Variants in ZFHX3 observed in about 807,000 individuals in gnomAD.
ZFHX3 encodes zinc finger homeobox protein 3.
A neutral mutation model predicts 279.1 loss-of-function variants in ZFHX3; 42 were observed. The observed-to-expected ratio is 0.15, with a 90% confidence interval of 0.12 to 0.19. The LOEUF (loss-of-function observed/expected upper bound fraction) is 0.19. Ranked by LOEUF, ZFHX3 falls within the 10% of genes least tolerant of loss-of-function variation. The pLI, the probability that ZFHX3 is intolerant of heterozygous loss-of-function variation, is 1.00. For missense variants in ZFHX3, 4,981 were observed against 4,754.0 expected (o/e 1.05, Z -1.40); for synonymous variants, 2,293 against 1,957.8 (o/e 1.17, Z -4.52).
At chr16:72,832,920 G>A (rs2037099713) in intron 4 of ZFHX3, among the ~76,000 whole-genome samples, 1 of 152,222 alleles carries the variant, frequency 6.6e-6, no homozygotes, top group African/African-American at 2.4e-5. Context: ...ATCATCAACA[G>A]CAAGAGGAAA....
intron 1 of ZFHX3, among the ~76,000 whole-genome samples, chr16:73,055,488 G>A (rs902312713): frequency 8.6e-5 from 13 of 152,044 alleles, no homozygotes; most frequent in African/African-American, 2.9e-4. Flanking sequence ...ACCTGACCCC[G>A]TTCTGTATAT....
rs143511818 is a variant in ZFHX3, at chr16:73,626,335, G to A, written c.-1547+53845C>T. Reference sequence around the variant, plus strand: ...GCAAAGCCACAAAGGAAAATGCCACGCCTTTGGTTTCCTTGAATCCATGTG... The same window carrying A: ...GCAAAGCCACAAAGGAAAATGCCACACCTTTGGTTTCCTTGAATCCATGTG... On this transcript the variant is annotated intron_variant, in intron 2 of 17. Transcript: ENST00000641206. Among the ~76,000 whole-genome samples, 80 of 152,146 alleles carry A rather than the reference G, an allele frequency of 5.3e-4. 1 individual carries two copies. In the East Asian group the frequency reaches 0.013, roughly 25 times the overall value.
intron 2 of ZFHX3, among the ~76,000 whole-genome samples, chr16:73,527,748 C>T (rs2019720359): frequency 6.6e-6 from 1 of 152,154 alleles, no homozygotes; most frequent in African/African-American, 2.4e-5. Context: ...GCCAGGAATG[C>T]ATAGCTCCAG....
At chr16:73,328,705 G>C (rs182328169) in intron 3 of ZFHX3, among the ~76,000 whole-genome samples, 1 of 152,264 alleles carries the variant, frequency 6.6e-6, no homozygotes, top group Non-Finnish European at 1.5e-5. Flanking sequence ...GGACATAAGA[G>C]GAGACTTGTA....
rs1015840105 is a variant in ZFHX3 at position 72,960,187 on chromosome 16, G to C, written c.-42C>G. On this transcript the variant is annotated 5_prime_UTR_variant, in exon 2 of 10. Transcript: ENST00000268489. ...AGCTTTCATTGCACCCAGTACGGAG[G>C]CTCGGACCTGAAGGGCAGAGGCAAG... 16 of 1,505,904 alleles carry C rather than the reference G, an allele frequency of 1.1e-5. No individual in the cohort carries two copies. In the East Asian group the frequency reaches 3.5e-4, roughly 33 times the overall value. The allele number at this position is 1,505,904 out of a possible 1,614,324, so 93.3% of individuals were successfully genotyped here.
chr16:73,735,268 T>C (rs1254856811), intron 1 of ZFHX3, among the ~76,000 whole-genome samples: 1 of 151,652 alleles, frequency 6.6e-6, no homozygotes, highest in Non-Finnish European at 1.5e-5. Flanking sequence ...ACCTGAGTCA[T>C]AGGGTTATGA....
chr16:73,836,958 A>G (rs574650587), intron 1 of ZFHX3, among the ~76,000 whole-genome samples: 1 of 152,310 alleles, frequency 6.6e-6, no homozygotes, highest in East Asian at 1.9e-4. Context: ...GCCATGTTAT[A>G]ACGTGCAGCA....
intron 4 of ZFHX3, among the ~76,000 whole-genome samples, chr16:73,260,714 G>T (rs1310406650): frequency 8.4e-6 from 1 of 119,408 alleles, no homozygotes; most frequent in African/African-American, 3.0e-5. Flanking sequence ...TTTTGAGATG[G>T]AGCTTTGCTC....
At chr16:73,592,420 A>G (rs985463938) in intron 2 of ZFHX3, among the ~76,000 whole-genome samples, 3 of 152,196 alleles carry the variant, frequency 2.0e-5, no homozygotes, top group Admixed American at 2.0e-4. Flanking sequence ...AAACTGGATG[A>G]TGGTACATGA....
chr16:72,848,134 G>A (rs975844362), intron 4 of ZFHX3, among the ~76,000 whole-genome samples: 1 of 152,150 alleles, frequency 6.6e-6, no homozygotes, highest in African/African-American at 2.4e-5. Flanking sequence ...CCCTCCCTCC[G>A]CTCCTGGGGA....
chr16:73,539,655 C>T (rs1179242346), intron 2 of ZFHX3, among the ~76,000 whole-genome samples: 2 of 152,034 alleles, frequency 1.3e-5, no homozygotes, highest in African/African-American at 4.8e-5. Flanking sequence ...GAAGGGCGCA[C>T]AAGCAGCATT....
intron 5 of ZFHX3, among the ~76,000 whole-genome samples, chr16:73,231,584 A>G (rs1003063831): frequency 1.4e-4 from 21 of 152,300 alleles, no homozygotes; most frequent in African/African-American, 4.8e-4. Context: ...CCAGGGATCA[A>G]TAGTTCGTTC....
chr16:72,797,474 T>TTGTTGTTGTTGTTGCTGTTGC lies in ZFHX3; in HGVS notation c.5187_5207dup (p.Gln1735_Gln1741dup), dbSNP rs770275021. On this transcript the variant is annotated inframe_insertion, in exon 9 of 10. Coordinates refer to ENST00000268489, the MANE Select transcript of ZFHX3 (RefSeq NM_006885.4). ...GCGTTTGTGCTTGTTGTTGTTGTTG[T>TTGTTGTTGTTGTTGCTGTTGC]TGTTGTTGTTGTTGCTGTTGCTGCT... The TTGTTGTTGTTGTTGCTGTTGC allele has an allele frequency of 5.0e-6, 8 of 1,613,264 alleles. No individual in the cohort carries two copies. The East Asian group carries it at 1.6e-4, about 31-fold the overall frequency.
chr16:73,050,897 T>A (rs535783127), upstream of ZFHX3, among the ~76,000 whole-genome samples: 2 of 152,128 alleles, frequency 1.3e-5, no homozygotes, highest in Non-Finnish European at 2.9e-5. Context: ...GCTAACCCCT[T>A]CCCTACTCCT....
At chr16:73,853,335 A>C (rs114011654) in intron 1 of ZFHX3, among the ~76,000 whole-genome samples, 4,307 of 152,266 alleles carry the variant, frequency 0.028, 179 homozygotes, top group African/African-American at 0.095. Context: ...GTATCTGCTC[A>C]AAGAAAAAGA....
chr16:73,116,478 G>A (rs1966434776), intron 7 of ZFHX3, among the ~76,000 whole-genome samples: 1 of 152,170 alleles, frequency 6.6e-6, no homozygotes, highest in Non-Finnish European at 1.5e-5. Context: ...AGAAGTGGCT[G>A]GGGAGGGTGC....
chr16:73,034,718 G>A (rs190001121), intron 1 of ZFHX3, among the ~76,000 whole-genome samples: 1 of 152,348 alleles, frequency 6.6e-6, no homozygotes, highest in East Asian at 1.9e-4. Flanking sequence ...GCTGTCCCCT[G>A]AGGAGGTGGC....
chr16:73,864,632 T>C (rs1961965387), intron 1 of ZFHX3, among the ~76,000 whole-genome samples: 1 of 151,900 alleles, frequency 6.6e-6, no homozygotes, highest in Non-Finnish European at 1.5e-5. Context: ...GGCATGAAAA[T>C]TGCTTGAACC....
chr16:73,540,475 T>G (rs915603780), intron 2 of ZFHX3, among the ~76,000 whole-genome samples: 2 of 152,200 alleles, frequency 1.3e-5, no homozygotes, highest in Non-Finnish European at 2.9e-5. Flanking sequence ...CCTAAGAGAA[T>G]CTAGTCTATG....
Sources: allele counts gnomAD v4.1 joint callset (sites outside exome capture counted in the v4.1 genomes callset), GRCh38; gene constraint gnomAD v4.1.1; transcripts MANE v1.5; gene names NCBI Gene and HGNC (gene_info 2026-07-23, HGNC 2026-07-21).